SNX7: variants seen among roughly 807,000 people sequenced by gnomAD.
SNX7 encodes sorting nexin-7.
In SNX7, 35 loss-of-function variants were observed where a neutral mutation model predicts 48.4. That is an observed-to-expected ratio of 0.72 (90% confidence interval 0.55 to 0.96). The LOEUF (loss-of-function observed/expected upper bound fraction) is 0.96, where lower values mean the gene tolerates loss of function less well. SNX7 is among the 40% of genes least tolerant of loss of function. The probability of loss-of-function intolerance (pLI) is 0.00; values close to 1 mark genes in which losing one functional copy is unlikely to be tolerated. For missense variants in SNX7, 553 were observed against 548.9 expected (o/e 1.01, Z -0.07); for synonymous variants, 190 against 190.2 (o/e 1.00, Z 0.01).
intron 7 of SNX7, among the ~76,000 whole-genome samples, chr1:98,723,527 T>C (rs545278209): frequency 6.6e-6 from 1 of 152,280 alleles, no homozygotes; most frequent in African/African-American, 2.4e-5. Context: ...TTTAATGATT[T>C]AAGTTATTTT....
intron 7 of SNX7, among the ~76,000 whole-genome samples, chr1:98,719,668 T>A (rs890904698): frequency 6.6e-6 from 1 of 151,672 alleles, no homozygotes; most frequent in African/African-American, 2.4e-5. Flanking sequence ...GTTTCTAGTT[T>A]TTATGAAGTC....
rs143883887 is a variant in SNX7 at position 98,735,055 on chromosome 1, A to G, written c.1126-3182A>G. ...CATCTGGTGTTGGAGGGAACAATAAAATACCAGAAGGACTTTAGCCTGCCA... is the reference window on the plus strand; with the variant it reads ...CATCTGGTGTTGGAGGGAACAATAAGATACCAGAAGGACTTTAGCCTGCCA... On this transcript the variant is annotated intron_variant, in intron 7 of 8. Coordinates refer to ENST00000306121, the MANE Select transcript of SNX7 (RefSeq NM_015976.5). Among the ~76,000 whole-genome samples, 180 of 152,278 alleles carry G rather than the reference A, an allele frequency of 1.2e-3. 1 individual carries two copies. The highest frequency in any genetic ancestry group is 4.2e-3 in the African/African-American group (174 of 41,564).
At chr1:98,686,033 T>A (rs1265502556) in intron 2 of SNX7, among the ~76,000 whole-genome samples, 1 of 152,188 alleles carries the variant, frequency 6.6e-6, no homozygotes, top group Non-Finnish European at 1.5e-5. Flanking sequence ...GAGCTGCTTC[T>A]GTTTTCTGAA....
intron 1 of SNX7, chr1:98,662,132 C>T: frequency 2.6e-6 from 1 of 391,252 alleles, no homozygotes; most frequent in Non-Finnish European, 4.4e-6. Context: ...CTCCCTCCTC[C>T]GCACTTTGAC....
intron 1 of SNX7, among the ~76,000 whole-genome samples, chr1:98,679,272 A>G (rs1650344804): frequency 6.6e-6 from 1 of 152,152 alleles, no homozygotes; most frequent in Non-Finnish European, 1.5e-5. Flanking sequence ...CATTGTCATG[A>G]GAACAGCATG....
intron 1 of SNX7, among the ~76,000 whole-genome samples, chr1:98,669,625 G>A (rs1649741566): frequency 6.6e-6 from 1 of 152,142 alleles, no homozygotes; most frequent in Non-Finnish European, 1.5e-5. Context: ...CAGGATTTGT[G>A]GTAATTTGTT....
chr1:98,669,978 A>G (rs964825804), intron 1 of SNX7, among the ~76,000 whole-genome samples: 1 of 152,256 alleles, frequency 6.6e-6, no homozygotes, highest in African/African-American at 2.4e-5. Context: ...GAATAAATAC[A>G]TAAATGAATG....
chr1:98,691,779 G>T (rs74110436), intron 4 of SNX7, 80 bp downstream of exon 4: 8 of 1,194,186 alleles, frequency 6.7e-6, no homozygotes, highest in Non-Finnish European at 7.8e-6. Flanking sequence ...CTTGTTTACC[G>T]TTACAAATCA....
chr1:98,722,844 C>T (rs543241207), intron 7 of SNX7, among the ~76,000 whole-genome samples: 1 of 151,824 alleles, frequency 6.6e-6, no homozygotes, highest in East Asian at 1.9e-4. Context: ...TTATTTTGCT[C>T]AAAAATGTTG....
intron 6 of SNX7, 53 bp downstream of exon 6, chr1:98,698,958 C>G (rs1372001985): frequency 1.3e-6 from 2 of 1,532,944 alleles, no homozygotes; most frequent in Middle Eastern, 3.5e-4. Context: ...ATTATAAGCT[C>G]CATAAAGGCA....
intron 5 of SNX7, among the ~76,000 whole-genome samples, chr1:98,697,002 G>A (rs1195294169): frequency 6.6e-6 from 1 of 152,048 alleles, no homozygotes; most frequent in Middle Eastern, 3.2e-3. Context: ...ATTGATTTGA[G>A]TGGTATGTAA....
intron 1 of SNX7, among the ~76,000 whole-genome samples, chr1:98,673,464 C>T (rs1241151272): frequency 6.6e-6 from 1 of 152,146 alleles, no homozygotes; most frequent in Non-Finnish European, 1.5e-5. Flanking sequence ...AACACTTATT[C>T]TTCTTATCTG....
chr1:98,669,642 G>A (rs964530148), intron 1 of SNX7, among the ~76,000 whole-genome samples: 3 of 152,142 alleles, frequency 2.0e-5, no homozygotes, highest in African/African-American at 4.8e-5. Context: ...TGTTTCCACC[G>A]TACAATTTGA....
intron 1 of SNX7, among the ~76,000 whole-genome samples, chr1:98,670,260 T>G (rs1649779177): frequency 6.6e-6 from 1 of 152,146 alleles, no homozygotes; most frequent in African/African-American, 2.4e-5. Flanking sequence ...AGATAACAAT[T>G]TAGAAACATT....
intron 2 of SNX7, among the ~76,000 whole-genome samples, chr1:98,689,776 A>G (rs1651012212): frequency 6.6e-6 from 1 of 152,196 alleles, no homozygotes; most frequent in South Asian, 2.1e-4. Flanking sequence ...CTATTTGCAT[A>G]TGGACATACA....
At chr1:98,718,932 T>C (rs191712345) in intron 7 of SNX7, among the ~76,000 whole-genome samples, 1 of 152,300 alleles carries the variant, frequency 6.6e-6, no homozygotes, top group Admixed American at 6.5e-5. Flanking sequence ...TTATTTAACC[T>C]GACCCCTGCT....
rs557799899 is a variant in SNX7, at chr1:98,697,787, G to A, written c.839-919G>A. Reference sequence around the variant, plus strand: ...TAATAGAAGTATAAAATTATGATAAGCTCATTGAGGGCCAAAGCATCTATG... The same window carrying A: ...TAATAGAAGTATAAAATTATGATAAACTCATTGAGGGCCAAAGCATCTATG... On this transcript the variant is annotated intron_variant, in intron 5 of 8. Transcript: ENST00000306121. 4.3e-4 allele frequency among the ~76,000 whole-genome samples: 66 copies of A among 152,156 alleles called. 1 individual carries two copies. In the South Asian group the frequency reaches 0.013, roughly 31 times the overall value.
At chr1:98,726,495 G>A (rs1226958239) in intron 7 of SNX7, among the ~76,000 whole-genome samples, 1 of 152,088 alleles carries the variant, frequency 6.6e-6, no homozygotes, top group Non-Finnish European at 1.5e-5. Flanking sequence ...CAGAGCACTG[G>A]ACATGTAAAA....
At chr1:98,700,188 T>C (rs1651676952) in intron 6 of SNX7, among the ~76,000 whole-genome samples, 1 of 152,244 alleles carries the variant, frequency 6.6e-6, no homozygotes. Flanking sequence ...GTAGTACTTA[T>C]ATTGCATTTC....
Sources: allele counts gnomAD v4.1 joint callset (sites outside exome capture counted in the v4.1 genomes callset), GRCh38; gene constraint gnomAD v4.1.1; transcripts MANE v1.5; gene names NCBI Gene and HGNC (gene_info 2026-07-23, HGNC 2026-07-21).